The following RPN2 variants were observed in gnomAD, a reference collection of about 807,000 sequenced individuals.
RPN2 encodes the protein dolichyl-diphosphooligosaccharide--protein glycosyltransferase subunit 2.
RPN2 carries 29 observed loss-of-function variants against 71.4 expected under a neutral mutation model. The ratio of observed to expected loss-of-function variants is 0.41; its 90% CI spans 0.30 to 0.55. RPN2 has a LOEUF of 0.55. Among genes scored for constraint, RPN2 ranks in the 20% least tolerant of loss-of-function variants. The probability of loss-of-function intolerance (pLI) is 0.35; values close to 1 mark genes in which losing one functional copy is unlikely to be tolerated. For missense variants in RPN2, 726 were observed against 774.1 expected, an observed-to-expected ratio of 0.94 and a Z score of 0.74; for synonymous variants, 308 against 305.0, an observed-to-expected ratio of 1.01 and a Z score of -0.10.
chr20:37,199,990 C>T (rs1326469571), intron 4 of RPN2, among the ~76,000 whole-genome samples: 1 of 151,618 alleles, frequency 6.6e-6, no homozygotes, highest in African/African-American at 2.4e-5. Context: ...ACTACCACGC[C>T]TAGCTAATTT....
chr20:37,225,105 G>C (rs1483099448), intron 10 of RPN2, among the ~76,000 whole-genome samples: 1 of 152,162 alleles, frequency 6.6e-6, no homozygotes, highest in Non-Finnish European at 1.5e-5. Flanking sequence ...AGATAGCTGT[G>C]AAAAGAAGTT....
At chr20:37,181,156 G>A (rs2066862696) in intron 1 of RPN2, among the ~76,000 whole-genome samples, 1 of 151,960 alleles carries the variant, frequency 6.6e-6, no homozygotes, top group Non-Finnish European at 1.5e-5. Context: ...TTGAACCCGG[G>A]AGGCGGAGGC....
chr20:37,224,287 A>T (rs2068026750), intron 10 of RPN2, among the ~76,000 whole-genome samples: 1 of 152,240 alleles, frequency 6.6e-6, no homozygotes, highest in Non-Finnish European at 1.5e-5. Flanking sequence ...TATTTAGTTC[A>T]GATGATAATT....
chr20:37,197,881 A>C (rs2067288522), intron 2 of RPN2, among the ~76,000 whole-genome samples: 1 of 152,232 alleles, frequency 6.6e-6, no homozygotes, highest in Admixed American at 6.5e-5. Context: ...GATGTGAGCC[A>C]CTGCACCCAG....
intron 13 of RPN2, among the ~76,000 whole-genome samples, chr20:37,231,514 A>G (rs2068245371): frequency 6.6e-6 from 1 of 152,130 alleles, no homozygotes. Flanking sequence ...ACTTGAGGTC[A>G]GGAGTTGGAG....
intron 16 of RPN2, among the ~76,000 whole-genome samples, chr20:37,238,612 G>A (rs774388109): frequency 6.6e-6 from 1 of 152,190 alleles, no homozygotes; most frequent in Non-Finnish European, 1.5e-5. Flanking sequence ...GCTAGATGAG[G>A]TTGTGACTGG....
intron 12 of RPN2, among the ~76,000 whole-genome samples, chr20:37,229,608 A>G (rs1026056914): frequency 1.3e-5 from 2 of 152,128 alleles, no homozygotes; most frequent in African/African-American, 2.4e-5. Flanking sequence ...ACAAGAGCGC[A>G]TACTCATTTC....
chr20:37,234,429 A>G (rs2068328461), intron 15 of RPN2, among the ~76,000 whole-genome samples: 1 of 152,232 alleles, frequency 6.6e-6, no homozygotes, highest in Non-Finnish European at 1.5e-5. Flanking sequence ...GCATTAATGC[A>G]GTTTCCAAAG....
At chr20:37,206,258 G>A (rs1259807598) in intron 6 of RPN2, among the ~76,000 whole-genome samples, 1 of 152,166 alleles carries the variant, frequency 6.6e-6, no homozygotes, top group African/African-American at 2.4e-5. Flanking sequence ...AGTTCTTAAT[G>A]GAGAGTTATT....
intron 15 of RPN2, among the ~76,000 whole-genome samples, chr20:37,236,307 G>A (rs561874191): frequency 4.7e-4 from 72 of 152,188 alleles, no homozygotes; most frequent in African/African-American, 1.5e-3. Context: ...TGCCCAGGGT[G>A]GTCTCGAACT....
intron 1 of RPN2, chr20:37,179,647 C>T (rs1244086357): frequency 7.7e-6 from 5 of 646,806 alleles, no homozygotes; most frequent in Admixed American, 3.6e-5. Context: ...CGCGCTTAGC[C>T]TAGGTCTGGC....
intron 2 of RPN2, among the ~76,000 whole-genome samples, chr20:37,186,555 C>T (rs1208194987): frequency 2.6e-5 from 4 of 152,200 alleles, no homozygotes; most frequent in African/African-American, 9.7e-5. Context: ...TCAAGCAATC[C>T]TCCTGCCACG....
chr20:37,179,623 G>T (rs1156541671), intron 1 of RPN2: 1 of 892,608 alleles, frequency 1.1e-6, no homozygotes, highest in Admixed American at 3.4e-5. Flanking sequence ...AGGCTCAGCC[G>T]TGGGGACCGC....
intron 2 of RPN2, among the ~76,000 whole-genome samples, chr20:37,185,689 A>T (rs1320055058): frequency 6.6e-6 from 1 of 151,616 alleles, no homozygotes; most frequent in African/African-American, 2.4e-5. Context: ...ATTCACAGGC[A>T]TGATTATAGC....
rs778738115 is a variant in RPN2 at position 37,241,355 on chromosome 20, AG to A, written c.*41del. 6 of 1,608,852 alleles carry A rather than the reference AG, an allele frequency of 3.7e-6. No homozygotes were observed. The highest frequency in any genetic ancestry group is 5.1e-6 in the Non-Finnish European group (6 of 1,176,470). The stretch of plus-strand genomic sequence containing the variant: ...TGGAAATTCTGAAAACTGAATGTCA[AG>A]AAAAGGAGTCAAGAACAATTCACAG... On this transcript the variant is annotated 3_prime_UTR_variant, in exon 17 of 17. Coordinates refer to ENST00000237530, the MANE Select transcript of RPN2 (RefSeq NM_002951.5).
chr20:37,201,894 A>G (rs574230849), intron 4 of RPN2, among the ~76,000 whole-genome samples: 2 of 152,298 alleles, frequency 1.3e-5, no homozygotes, highest in Non-Finnish European at 2.9e-5. Flanking sequence ...TGAATGAACC[A>G]CCTGAGAAGA....
At chr20:37,230,664 A>G (rs1281750171) in intron 13 of RPN2, among the ~76,000 whole-genome samples, 4 of 152,302 alleles carry the variant, frequency 2.6e-5, no homozygotes, top group East Asian at 1.9e-4. Flanking sequence ...ATCTTGAGAA[A>G]TGATCGTACT....
Position 37,238,662 on chromosome 20 carries a change from A to G in RPN2, c.1883+1953A>G, listed in dbSNP as rs11086969. On this transcript the variant is annotated intron_variant, in intron 16 of 16. Transcript: ENST00000237530. ...TTCCTGAGTTAGCCCAGCTGATGGG[A>G]TAACTTTGCAGTGAGCAGCTTTGGC... 5,870 of 738,484 alleles carry G rather than the reference A, an allele frequency of 7.9e-3. 206 individuals are homozygous for G. In the African/African-American group the frequency reaches 0.085, roughly 11 times the overall value. The allele number at this position is 738,484 out of a possible 1,614,324, so 45.7% of individuals were successfully genotyped here.
intron 4 of RPN2, among the ~76,000 whole-genome samples, chr20:37,201,578 G>T (rs149219534): frequency 6.6e-6 from 1 of 152,138 alleles, no homozygotes; most frequent in African/African-American, 2.4e-5. Flanking sequence ...AAGAACATAC[G>T]CTTTGGAGCA....
Sources: gnomAD v4.1 joint callset for allele counts (sites outside exome capture counted in the v4.1 genomes callset) on GRCh38, gnomAD v4.1.1 for gene constraint, MANE v1.5 for transcripts, NCBI Gene and HGNC (gene_info 2026-07-23, HGNC 2026-07-21) for gene names.